Variants in PCDHGA10 observed in about 807,000 individuals in gnomAD.
The protein encoded by PCDHGA10 is protocadherin gamma-A10.
A neutral mutation model predicts 59.5 loss-of-function variants in PCDHGA10; 42 were observed. The observed-to-expected ratio is 0.71, with a 90% CI of 0.55 to 0.91. PCDHGA10 has a LOEUF of 0.91. Among genes scored for constraint, PCDHGA10 ranks in the 40% least tolerant of loss-of-function variants. The pLI is 0.00. For synonymous variants in PCDHGA10, 511 were observed against 517.2 expected (o/e 0.99, Z 0.16); for missense variants, 1,111 against 1,198.2 (o/e 0.93, Z 1.07).
chr5:141,478,517 T>G (rs1593923092), intron 1 of PCDHGA10: 1 of 1,611,116 alleles, frequency 6.2e-7, no homozygotes, highest in Non-Finnish European at 8.5e-7. Context: ...TAGGCAGGTG[T>G]TGGGTGCAGA....
At chr5:141,460,425 G>A (rs953425058) in intron 1 of PCDHGA10, among the ~76,000 whole-genome samples, 3 of 152,114 alleles carry the variant, frequency 2.0e-5, no homozygotes. Flanking sequence ...TATGTATGGT[G>A]TATGGTGTGA....
chr5:141,456,390 T>G (rs1007800936), intron 1 of PCDHGA10, among the ~76,000 whole-genome samples: 2 of 152,114 alleles, frequency 1.3e-5, no homozygotes, highest in African/African-American at 4.8e-5. Context: ...CGTTTGGAGT[T>G]TGATTGCTTC....
At position 141,477,572 on chromosome 5, in the gene PCDHGA10, G is replaced by A. The variant is rs375416133; in HGVS notation, c.2437-17235G>A. The A allele has an allele frequency of 6.2e-7, 1 of 1,614,112 alleles. No homozygotes were observed. The highest frequency in any genetic ancestry group is 8.5e-7 in the Non-Finnish European group (1 of 1,180,030). On this transcript the variant is annotated intron_variant, in intron 1 of 3. Coordinates refer to ENST00000398610, the MANE Select transcript of PCDHGA10 (RefSeq NM_018913.3). This position sits in a 1 kb window ranked among gnomAD's most constrained non-coding sequence, Gnocchi z 4.9. ...AAACCTAAGTGTCTGGGACCCCGAC[G>A]CCCCGCAGAATGCTCGGCTTTCTTT...
intron 1 of PCDHGA10, chr5:141,440,921 G>C (rs1213425379): frequency 6.6e-6 from 1 of 152,260 alleles, no homozygotes; most frequent in Non-Finnish European, 1.5e-5. Context: ...TGTGCTGAGA[G>C]TGAGGGCCAC....
Position 141,432,923 on chromosome 5 carries a change from T to C in PCDHGA10, c.2436+17312T>C. ...GCTCAGGCTGCGGCGCTGGCACAAG[T>C]CACGCCTGCTGCAGGCTTCAGGAGG... On this transcript the variant is annotated intron_variant, in intron 1 of 3. Coordinates refer to ENST00000398610, the MANE Select transcript of PCDHGA10 (RefSeq NM_018913.3). This position sits in a 1 kb window ranked among gnomAD's most constrained non-coding sequence, Gnocchi z 6.0. The C allele has an allele frequency of 6.2e-7, 1 of 1,614,186 alleles. No homozygotes were observed. Among genetic ancestry groups the C allele is most frequent in the Non-Finnish European group, 8.5e-7 (1 of 1,180,034 alleles).
Position 141,489,090 on chromosome 5 carries a change from C to CAAA in PCDHGA10, c.2437-5717_2437-5716insAAA. ...CCTGCCCACCCCCGCCACTCGGTGA[C>CAAA]TAAGAACTGCTGCAAGCAGGCAAAC... is the stretch of plus-strand genomic sequence containing the variant. On this transcript the variant is annotated intron_variant, in intron 1 of 3. Transcript: ENST00000398610. The surrounding 1 kb of genome is among the most constrained non-coding windows in gnomAD (Gnocchi z 4.5). 7 of 328,768 alleles carry CAAA rather than the reference C, an allele frequency of 2.1e-5. No homozygotes were observed. The highest frequency in any genetic ancestry group is 6.1e-5 in the Admixed American group (1 of 16,494). The allele number at this position is 328,768 out of a possible 1,614,324, so 20.4% of individuals were successfully genotyped here. A position where few individuals can be genotyped will look rare whatever the true frequency, so the allele number is the denominator to read the frequency against.
At chr5:141,427,954 T>G in intron 1 of PCDHGA10, 1 of 1,587,162 alleles carries the variant, frequency 6.3e-7, no homozygotes, top group Non-Finnish European at 8.6e-7. Context: ...AATGACAATG[T>G]GCCGCGGGTG....
chr5:141,478,633 TGATGAA>T, intron 1 of PCDHGA10: 4 of 1,553,032 alleles, frequency 2.6e-6, no homozygotes, highest in Non-Finnish European at 3.5e-6. Flanking sequence ...GTTTTTTTAG[TGATGAA>T]GATGTTTTCC....
Position 141,414,630 on chromosome 5 carries a change from C to A in PCDHGA10, c.1455C>A (p.Ser485Arg). Residue 485 changes from serine to arginine, a missense_variant, in exon 1 of 4, where the codon AGC becomes AGA. Coordinates refer to ENST00000398610, the MANE Select transcript of PCDHGA10 (RefSeq NM_018913.3). Reference protein sequence around the residue: ...IFSVTALDPDSKENAQIIYSL... With the variant: ...IFSVTALDPDRKENAQIIYSL... ...CAGTGACAGCGCTGGACCCGGACAG[C>A]AAAGAGAATGCCCAGATTATTTACT... 2 of 1,613,980 alleles carry A rather than the reference C, an allele frequency of 1.2e-6. No individual in the cohort carries two copies. Among genetic ancestry groups the A allele is most frequent in the Non-Finnish European group, 1.7e-6 (2 of 1,179,892 alleles).
intron 1 of PCDHGA10, chr5:141,479,269 A>G (rs1279389471): frequency 6.6e-6 from 1 of 152,374 alleles, no homozygotes; most frequent in African/African-American, 2.4e-5. Flanking sequence ...TAAAAGTAAT[A>G]ATTTATTTCA....
At chr5:141,426,879 G>C (rs1222564201) in intron 1 of PCDHGA10, 3 of 456,710 alleles carry the variant, frequency 6.6e-6, no homozygotes, top group Non-Finnish European at 1.3e-5. Context: ...GAAGCCCCTG[G>C]GCCAGGAGCA....
intron 1 of PCDHGA10, chr5:141,427,984 C>T (rs754620535): frequency 1.9e-6 from 3 of 1,597,494 alleles, no homozygotes; most frequent in South Asian, 1.1e-5. Context: ...GCGCTGGGGC[C>T]CGATGGCTCC....
In PCDHGA10 at chr5:141,414,978, C is replaced by T. The variant is rs757917979; in HGVS notation, c.1803C>T (p.Asp601=). Residue 601 remains aspartate, a synonymous_variant, in exon 1 of 4, where the codon GAC becomes GAT. Coordinates refer to ENST00000398610, the MANE Select transcript of PCDHGA10 (RefSeq NM_018913.3). The stretch of plus-strand genomic sequence containing the variant: ...CCAAGGTGGTGGCGGTGGACAGAGA[C>T]TCCGGCCAGAACGCCTGGCTGTCCT... ...LVTKVVAVDR[D]SGQNAWLSYR... 8 of 1,613,878 alleles carry T rather than the reference C, an allele frequency of 5.0e-6. No individual in the cohort carries two copies. The South Asian group carries it at 8.8e-5, about 18-fold the overall frequency.
intron 1 of PCDHGA10, chr5:141,478,333 G>T: frequency 6.2e-7 from 1 of 1,613,928 alleles, no homozygotes; most frequent in Non-Finnish European, 8.5e-7. Context: ...GAACACCAGG[G>T]CCCTCCTTGC....
chr5:141,458,922 G>A (rs747489537), intron 1 of PCDHGA10, among the ~76,000 whole-genome samples: 2 of 151,918 alleles, frequency 1.3e-5, no homozygotes, highest in East Asian at 1.9e-4. Flanking sequence ...TTGTGGAGAC[G>A]GGGTCTCACT....
At chr5:141,509,544 A>AT (rs1312201678) in intron 3 of PCDHGA10, among the ~76,000 whole-genome samples, 1 of 152,150 alleles carries the variant, frequency 6.6e-6, no homozygotes, top group Non-Finnish European at 1.5e-5. Context: ...GCACCATCTC[A>AT]TTTAGTCCTC....
intron 1 of PCDHGA10, among the ~76,000 whole-genome samples, chr5:141,464,885 G>T (rs1592925315): frequency 6.6e-6 from 1 of 152,020 alleles, no homozygotes; most frequent in East Asian, 1.9e-4. Flanking sequence ...ACTACAGATG[G>T]ATGCCACCAT....
intron 2 of PCDHGA10, among the ~76,000 whole-genome samples, chr5:141,499,689 CTTTTT>C (rs545067566): frequency 3.3e-5 from 4 of 119,852 alleles, no homozygotes; most frequent in Non-Finnish European, 3.5e-5. Flanking sequence ...TAACAGATGA[CTTTTT>C]TTTTTTTTTT....
At chr5:141,417,854 C>G in intron 1 of PCDHGA10, 2 of 1,543,902 alleles carry the variant, frequency 1.3e-6, no homozygotes, top group Non-Finnish European at 1.8e-6. Flanking sequence ...AGAACCCGAG[C>G]GAACGATGGG....
Sources: gnomAD v4.1 joint callset for allele counts (sites outside exome capture counted in the v4.1 genomes callset) on GRCh38, gnomAD v4.1.1 for gene constraint, Gnocchi (gnomAD v3.1) non-coding constraint, MANE v1.5 for transcripts, NCBI Gene and HGNC (gene_info 2026-07-23, HGNC 2026-07-21) for gene names.